Variants in CASP9 observed in about 807,000 individuals in gnomAD.
CASP9 encodes caspase-9.
A neutral mutation model predicts 43.5 loss-of-function variants in CASP9; 29 were observed. The ratio of observed to expected loss-of-function variants is 0.67; its 90% CI spans 0.50 to 0.91. The LOEUF (loss-of-function observed/expected upper bound fraction) is 0.91, where lower values mean the gene tolerates loss of function less well. CASP9 is among the 40% of genes least tolerant of loss of function. The pLI, the probability that CASP9 is intolerant of heterozygous loss-of-function variation, is 0.00. For synonymous variants in CASP9, 206 were observed against 211.9 expected, an observed-to-expected ratio of 0.97 and a Z score of 0.24; for missense variants, 575 against 537.4, an observed-to-expected ratio of 1.07 and a Z score of -0.69.
At chr1:15,523,278 G>A (rs748151286) in intron 1 of CASP9, among the ~76,000 whole-genome samples, 1 of 152,202 alleles carries the variant, frequency 6.6e-6, no homozygotes, top group East Asian at 1.9e-4. Context: ...TAGCACTACA[G>A]TTTCACATCC....
chr1:15,512,684 C>A (rs1333771356), intron 2 of CASP9, among the ~76,000 whole-genome samples: 1 of 151,920 alleles, frequency 6.6e-6, no homozygotes, highest in Non-Finnish European at 1.5e-5. Flanking sequence ...TATATATACA[C>A]ACACAAAAAA....
chr1:15,521,049 C>T (rs539009661), intron 1 of CASP9, among the ~76,000 whole-genome samples: 127 of 149,928 alleles, frequency 8.5e-4, no homozygotes, highest in Non-Finnish European at 1.4e-3. Flanking sequence ...CCCAGCTACT[C>T]GGGAGGCTGA....
upstream of CASP9, chr1:15,524,761 G>T (rs1414490954): frequency 1.0e-6 from 1 of 995,380 alleles, no homozygotes; most frequent in Non-Finnish European, 1.2e-6. Context: ...ACCTGCCACC[G>T]CGTCACCGCC....
chr1:15,501,179 G>A (rs558193776), intron 6 of CASP9, among the ~76,000 whole-genome samples: 1 of 152,122 alleles, frequency 6.6e-6, no homozygotes, highest in Non-Finnish European at 1.5e-5. Context: ...TTCTCAGCCC[G>A]ATCTCTCAAA....
At chr1:15,511,550 C>T (rs1709755155) in intron 2 of CASP9, among the ~76,000 whole-genome samples, 1 of 152,116 alleles carries the variant, frequency 6.6e-6, no homozygotes, top group Non-Finnish European at 1.5e-5. Context: ...ATTACAAGCA[C>T]ACACCACCAC....
At chr1:15,509,280 G>C (rs1188078287) in intron 2 of CASP9, among the ~76,000 whole-genome samples, 1 of 152,030 alleles carries the variant, frequency 6.6e-6, no homozygotes, top group African/African-American at 2.4e-5. Flanking sequence ...ATTTACCCCA[G>C]ACGAGTGACA....
At chr1:15,503,195 T>C (rs986879837) in intron 6 of CASP9, among the ~76,000 whole-genome samples, 4 of 152,128 alleles carry the variant, frequency 2.6e-5, no homozygotes, top group Middle Eastern at 3.4e-3. Context: ...AAGACCAGCC[T>C]GGGCAACATG....
rs1438078336 is a variant in CASP9, at chr1:15,492,778, A to C, written c.*165T>G. On this transcript the variant is annotated 3_prime_UTR_variant, in exon 9 of 9. Coordinates refer to ENST00000333868, the MANE Select transcript of CASP9 (RefSeq NM_001229.5). ...CTCCACTGTTCAGCACTTGTCGTCA[A>C]TCTGGAAGCTGCTAAGAGCCTGTCT... 2.1e-6 allele frequency: 2 copies of C among 946,524 alleles called. No homozygotes were observed. Among genetic ancestry groups the C allele is most frequent in the Non-Finnish European group, 3.1e-6 (2 of 635,876 alleles). 58.6% of individuals were successfully genotyped at this position (946,524 alleles called of 1,614,324 possible).
chr1:15,493,290 T>G, intron 8 of CASP9: 6 of 1,353,006 alleles, frequency 4.4e-6, no homozygotes, highest in Non-Finnish European at 5.7e-6. Context: ...GGCCCCAGCC[T>G]CGCAGCCCCT....
intron 6 of CASP9, among the ~76,000 whole-genome samples, chr1:15,501,579 A>C (rs1709331091): frequency 6.6e-6 from 1 of 152,144 alleles, no homozygotes; most frequent in Non-Finnish European, 1.5e-5. Flanking sequence ...CTCTCAGCTG[A>C]CGTGGCGCCA....
At chr1:15,501,157 T>C (rs1030368806) in intron 6 of CASP9, among the ~76,000 whole-genome samples, 1 of 152,186 alleles carries the variant, frequency 6.6e-6, no homozygotes, top group African/African-American at 2.4e-5. Context: ...CATATTGTCA[T>C]TGCTTTCTGT....
At chr1:15,499,076 A>C (rs1342567060) in intron 6 of CASP9, among the ~76,000 whole-genome samples, 1 of 152,204 alleles carries the variant, frequency 6.6e-6, no homozygotes, top group East Asian at 1.9e-4. Flanking sequence ...AGCGTAAAAA[A>C]TGCGCAGGCC....
intron 5 of CASP9, among the ~76,000 whole-genome samples, chr1:15,505,622 A>G (rs1268393864): frequency 2.6e-5 from 4 of 152,132 alleles, no homozygotes; most frequent in Admixed American, 1.3e-4. Flanking sequence ...TGGTGTCCTG[A>G]GTCCCACCAG....
chr1:15,502,909 C>A (rs950396030), intron 6 of CASP9, among the ~76,000 whole-genome samples: 10 of 152,152 alleles, frequency 6.6e-5, no homozygotes, highest in African/African-American at 2.4e-4. Flanking sequence ...GTTTCTACAG[C>A]CCCGAGAGTG....
Position 15,492,728 on chromosome 1 carries a change from C to A in CASP9, c.*215G>T. ...CACTGCTCAAGAGGCCACGTGCAATCCACGGCATTCATCTGTCCCTCTTCC... is the reference window on the plus strand; with the variant it reads ...CACTGCTCAAGAGGCCACGTGCAATACACGGCATTCATCTGTCCCTCTTCC... On this transcript the variant is annotated 3_prime_UTR_variant, in exon 9 of 9. Coordinates refer to ENST00000333868, the MANE Select transcript of CASP9 (RefSeq NM_001229.5). 1.6e-6 allele frequency: 1 copy of A among 631,344 alleles called. No homozygotes were observed. Among genetic ancestry groups the A allele is most frequent in the South Asian group, 2.1e-5 (1 of 47,802 alleles). The allele number at this position is 631,344 out of a possible 1,614,324, so 39.1% of individuals were successfully genotyped here.
intron 1 of CASP9, among the ~76,000 whole-genome samples, chr1:15,523,623 G>C (rs2103388192): frequency 6.6e-6 from 1 of 151,806 alleles, no homozygotes; most frequent in South Asian, 2.1e-4. Context: ...ATGTTAGAGA[G>C]AAATAAAACT....
chr1:15,505,578 AC>A (rs1709485851), intron 5 of CASP9, among the ~76,000 whole-genome samples: 1 of 152,226 alleles, frequency 6.6e-6, no homozygotes, highest in Non-Finnish European at 1.5e-5. Flanking sequence ...AATCACAGTG[AC>A]AAATACGTAA....
chr1:15,524,063 G>GCGGGGGT lies in CASP9; in HGVS notation c.132+5_132+6insACCCCCG, dbSNP rs1438675970. On this transcript the variant is annotated splice_donor_region_variant and intron_variant, in intron 1 of 8. Transcript: ENST00000333868. Reference sequence around the variant, plus strand: ...GCAGCGCGGGGACAGGGGGCCGGGGGCGCACCTGGATGTCCTCGATCATAT... The same window carrying GCGGGGGT: ...GCAGCGCGGGGACAGGGGGCCGGGGGCGGGGGTCGCACCTGGATGTCCTCGATCATAT... 9.4e-6 allele frequency: 14 copies of GCGGGGGT among 1,495,736 alleles called. No homozygotes were observed. The highest frequency in any genetic ancestry group is 4.3e-5 in the African/African-American group (3 of 69,094). The allele number at this position is 1,495,736 out of a possible 1,614,324, so 92.7% of individuals were successfully genotyped here. A position where few individuals can be genotyped will look rare whatever the true frequency, so the allele number is the denominator to read the frequency against.
At chr1:15,498,622 T>C (rs1055891577) in intron 6 of CASP9, among the ~76,000 whole-genome samples, 1 of 152,088 alleles carries the variant, frequency 6.6e-6, no homozygotes, top group Non-Finnish European at 1.5e-5. Flanking sequence ...AAGATCACAG[T>C]GTCCCCTTTA....
Sources: allele counts gnomAD v4.1 joint callset (sites outside exome capture counted in the v4.1 genomes callset), GRCh38; gene constraint gnomAD v4.1.1; transcripts MANE v1.5; gene names NCBI Gene and HGNC (gene_info 2026-07-23, HGNC 2026-07-21).